The following BRCA1 variants were observed in gnomAD, a reference collection of about 807,000 sequenced individuals.
BRCA1 encodes breast cancer type 1 susceptibility protein.
A neutral mutation model predicts 173.7 loss-of-function variants in BRCA1; 140 were observed. The ratio of observed to expected loss-of-function variants is 0.81; its 90% CI spans 0.70 to 0.93. The LOEUF is 0.93. BRCA1 is among the 40% of genes least tolerant of loss of function. The probability of loss-of-function intolerance (pLI) is 0.00; values close to 1 mark genes in which losing one functional copy is unlikely to be tolerated. For synonymous variants in BRCA1, 662 were observed against 756.0 expected (o/e 0.88, Z 2.04); for missense variants, 1,983 against 2,172.5 (o/e 0.91, Z 1.73).
intron 20 of BRCA1, among the ~76,000 whole-genome samples, chr17:43,050,499 G>A (rs1335540814): frequency 2.6e-5 from 4 of 151,798 alleles, no homozygotes; most frequent in Non-Finnish European, 4.4e-5. Flanking sequence ...TGTAGTCTCA[G>A]CTATTTGGGA....
At chr17:43,161,033 C>A (rs1180179408) in intron 1 of BRCA1, 1 of 152,166 alleles carries the variant, frequency 6.6e-6, no homozygotes. Flanking sequence ...ACATGTGCCA[C>A]TTTTGTCATA....
chr17:43,111,817 G>A (rs930893017), intron 3 of BRCA1, among the ~76,000 whole-genome samples: 2 of 152,042 alleles, frequency 1.3e-5, no homozygotes, highest in African/African-American at 2.4e-5. Context: ...GCGAGACTCC[G>A]TCTCAAAACA....
intron 1 of BRCA1, among the ~76,000 whole-genome samples, chr17:43,145,693 GAGA>G (rs1268612828): frequency 1.3e-5 from 2 of 152,118 alleles, no homozygotes; most frequent in Admixed American, 6.6e-5. Context: ...AAACATTTTT[GAGA>G]AGGAGGGAAT....
intron 3 of BRCA1, among the ~76,000 whole-genome samples, chr17:43,109,631 G>C (rs918251519): frequency 1.3e-5 from 2 of 152,102 alleles, no homozygotes; most frequent in Non-Finnish European, 2.9e-5. Flanking sequence ...TTAAAACTCA[G>C]AATAGAGGCT....
At chr17:43,118,386 T>G (rs567110235) in intron 2 of BRCA1, among the ~76,000 whole-genome samples, 3 of 152,194 alleles carry the variant, frequency 2.0e-5, no homozygotes, top group Admixed American at 1.3e-4. Context: ...TAATTTTCTT[T>G]TTTTTTTTCA....
At chr17:43,058,137 G>A (rs1171094189) in intron 18 of BRCA1, among the ~76,000 whole-genome samples, 1 of 152,012 alleles carries the variant, frequency 6.6e-6, no homozygotes, top group Non-Finnish European at 1.5e-5. Context: ...GGGAGGCTGA[G>A]GCAGGAGGAC....
chr17:43,067,585 T>A (rs778115859), intron 16 of BRCA1, 23 bp downstream of exon 16: 1 of 1,570,842 alleles, frequency 6.4e-7, no homozygotes, highest in East Asian at 2.2e-5. Flanking sequence ...ATGCAAGGTA[T>A]TCTGTAAAGG....
In BRCA1 at chr17:43,092,965, A is replaced by G. The variant is rs80356892; in HGVS notation, c.2566T>C (p.Tyr856His). The G allele has an allele frequency of 4.7e-4, 762 of 1,613,694 alleles. 5 individuals are homozygous for G. The East Asian group carries it at 0.014, about 30-fold the overall frequency. The change falls in exon 10 of 23, where the codon TAT becomes CAT. Residue 856 changes from tyrosine (Y) to histidine (H), a missense_variant. Transcript: ENST00000357654. Reference protein sequence around the residue: ...EMEESELDAQYLQNTFKVSKR... With the variant: ...EMEESELDAQHLQNTFKVSKR... The stretch of plus-strand genomic sequence containing the variant: ...GAAACCTTGAATGTATTCTGCAAAT[A>G]CTGAGCATCAAGTTCACTTTCTTCC...
intron 21 of BRCA1, among the ~76,000 whole-genome samples, chr17:43,048,211 CT>C (rs956156557): frequency 6.6e-6 from 1 of 150,610 alleles, no homozygotes; most frequent in Admixed American, 6.6e-5. Flanking sequence ...CTCTCTCTCT[CT>C]TTTTTTTTGA....
chr17:43,081,396 C>G (rs2052997075), intron 12 of BRCA1, among the ~76,000 whole-genome samples: 1 of 152,226 alleles, frequency 6.6e-6, no homozygotes, highest in African/African-American at 2.4e-5. Context: ...CAAGGCACAA[C>G]TGGGGACCAA....
chr17:43,111,999 C>T (rs1472585974), intron 3 of BRCA1, among the ~76,000 whole-genome samples: 1 of 152,148 alleles, frequency 6.6e-6, no homozygotes. Context: ...TCCCAGCTTT[C>T]TCATCATATA....
In BRCA1 at chr17:43,057,561, T is replaced by C. The variant is rs8176282; in HGVS notation, c.5194-426A>G. Among the ~76,000 whole-genome samples, 47,042 of 148,500 alleles carry C rather than the reference T, an allele frequency of 0.32. 7,689 individuals are homozygous for C. The highest frequency in any genetic ancestry group is 0.5 in the South Asian group (2,372 of 4,736). On this transcript the variant is annotated intron_variant, in intron 18 of 22. Coordinates refer to ENST00000357654, the MANE Select transcript of BRCA1 (RefSeq NM_007294.4). The stretch of plus-strand genomic sequence containing the variant: ...TTAAAAAAAAAAAAATTAGGCCGGG[T>C]GTGGTGGCTCACGCCTGTAATCCCA...
intron 2 of BRCA1, among the ~76,000 whole-genome samples, chr17:43,118,184 A>G (rs952272211): frequency 6.6e-6 from 1 of 152,170 alleles, no homozygotes; most frequent in African/African-American, 2.4e-5. Context: ...GAGCATTCCA[A>G]GAAAGAGGGA....
rs1425389874 is a variant in BRCA1 at position 43,106,663 on chromosome 17, G to C, written c.135-130C>G. ...AAGAGCCATTTAAAAAGTAATGGCA[G>C]GTGAATTACAAGCAATAGTTTCCTA... On this transcript the variant is annotated intron_variant, in intron 3 of 22. Transcript: ENST00000357654. 2.1e-5 allele frequency: 14 copies of C among 680,740 alleles called. No homozygotes were observed. The Admixed American group carries it at 3.9e-4, about 19-fold the overall frequency. The allele number at this position is 680,740 out of a possible 1,614,324, so 42.2% of individuals were successfully genotyped here. A position where few individuals can be genotyped will look rare whatever the true frequency, so the allele number is the denominator to read the frequency against.
chr17:43,118,874 G>A (rs1317725769), intron 2 of BRCA1, among the ~76,000 whole-genome samples: 1 of 148,910 alleles, frequency 6.7e-6, no homozygotes, highest in African/African-American at 2.5e-5. Context: ...AGTGATTCTT[G>A]TGCCTCAGCA....
At chr17:43,143,075 T>C (rs1292018098) in intron 1 of BRCA1, among the ~76,000 whole-genome samples, 1 of 149,960 alleles carries the variant, frequency 6.7e-6, no homozygotes, top group Non-Finnish European at 1.5e-5. Flanking sequence ...TGTATATATA[T>C]GTGTGTGTGT....
intron 5 of BRCA1, among the ~76,000 whole-genome samples, 154 bp downstream of exon 5, chr17:43,104,714 G>A (rs556607494): frequency 6.6e-6 from 1 of 152,270 alleles, no homozygotes; most frequent in South Asian, 2.1e-4. Flanking sequence ...TGAGACCAGT[G>A]GGAGTAATTT....
At position 43,120,979 on chromosome 17, in the gene BRCA1, G is replaced by A. The variant is rs146467457; in HGVS notation, c.80+3038C>T. ...CTCAGGAGGCTGAGGCAGGAGAAGC[G>A]CTTGAACTTGAACCTGGCAGGCGGA... On this transcript the variant is annotated intron_variant, in intron 2 of 22. Transcript: ENST00000357654. Among the ~76,000 whole-genome samples the A allele has an allele frequency of 0.013, 2,013 of 150,804 alleles. 20 individuals are homozygous for A. Among genetic ancestry groups the A allele is most frequent in the Non-Finnish European group, 0.019 (1,267 of 67,714 alleles).
intron 6 of BRCA1, among the ~76,000 whole-genome samples, chr17:43,101,126 C>CT (rs1276693597): frequency 4.0e-5 from 6 of 151,116 alleles, no homozygotes; most frequent in South Asian, 4.2e-4. Context: ...CCCAACATTA[C>CT]TTTTTTTTTC....
Sources: allele counts gnomAD v4.1 joint callset (sites outside exome capture counted in the v4.1 genomes callset), GRCh38; gene constraint gnomAD v4.1.1; transcripts MANE v1.5; gene names NCBI Gene and HGNC (gene_info 2026-07-23, HGNC 2026-07-21).